Variants in SKIC3 observed in about 807,000 individuals in gnomAD.
SKIC3 encodes superkiller complex protein 3.
At chr5:95,502,677 C>T in the SKIC3 span, among the ~76,000 whole-genome samples, 8 of 152,126 alleles carry the variant, frequency 5.3e-5, no homozygotes, top group African/African-American at 1.9e-4. Context: ...TGGACAGTTT[C>T]GAAGAATCCA....
chr5:95,509,158 A>T, the SKIC3 span, among the ~76,000 whole-genome samples: 2 of 152,192 alleles, frequency 1.3e-5, no homozygotes, highest in Non-Finnish European at 2.9e-5. Context: ...AGTCAAAACA[A>T]TTATTTAGTA....
chr5:95,554,849 C>A, the SKIC3 span: 3 of 168,396 alleles, frequency 1.8e-5, no homozygotes, highest in East Asian at 1.8e-4. Flanking sequence ...AAATGAACAG[C>A]CCCGGCCCCG....
the SKIC3 span, chr5:95,520,720 T>C: frequency 6.2e-7 from 1 of 1,607,224 alleles, no homozygotes; most frequent in Admixed American, 1.7e-5. Context: ...ACGAACCAAG[T>C]AAAATATTCC....
At chr5:95,516,299 A>G in the SKIC3 span, 1 of 1,595,766 alleles carries the variant, frequency 6.3e-7, no homozygotes, top group Non-Finnish European at 8.6e-7. Flanking sequence ...TGAGGAGACA[A>G]TAATATAGAA....
At chr5:95,499,220 C>A in the SKIC3 span, among the ~76,000 whole-genome samples, 1 of 152,086 alleles carries the variant, frequency 6.6e-6, no homozygotes, top group Non-Finnish European at 1.5e-5. Flanking sequence ...GGCGGTGGGT[C>A]TAGTGGGAGG....
the SKIC3 span, among the ~76,000 whole-genome samples, chr5:95,510,769 G>C: frequency 3.9e-5 from 6 of 152,078 alleles, no homozygotes; most frequent in African/African-American, 1.4e-4. Flanking sequence ...TAAAACTCTA[G>C]TCCTCCACAC....
chr5:95,493,140 C>T, the SKIC3 span, among the ~76,000 whole-genome samples: 1 of 152,094 alleles, frequency 6.6e-6, no homozygotes, highest in Non-Finnish European at 1.5e-5. Context: ...TAGCATCTAT[C>T]AAAACTGTGC....
At chr5:95,513,695 A>G in the SKIC3 span, 1 of 1,534,138 alleles carries the variant, frequency 6.5e-7, no homozygotes, top group East Asian at 2.2e-5. Context: ...GACAGTAACA[A>G]TAATAATACA....
chr5:95,540,410 CT>C, the SKIC3 span, among the ~76,000 whole-genome samples: 53 of 151,914 alleles, frequency 3.5e-4, 1 homozygote, highest in South Asian at 5.4e-3. Context: ...AAAGAACTTA[CT>C]CGTGACCAAA....
the SKIC3 span, chr5:95,528,716 T>G: frequency 2.4e-6 from 1 of 410,738 alleles, no homozygotes; most frequent in South Asian, 2.2e-5. Context: ...CACCAGAAAC[T>G]TCCTTGTTAC....
chr5:95,541,197 C>G, the SKIC3 span: 1 of 993,646 alleles, frequency 1.0e-6, no homozygotes. Flanking sequence ...AACTCCCGAC[C>G]TCAGGTGATC....
the SKIC3 span, chr5:95,529,460 T>G: frequency 0.16 from 56,525 of 347,610 alleles, 5,180 homozygotes; most frequent in East Asian, 0.33. Context: ...CTGTGCAAAC[T>G]CCTTACCAAG....
chr5:95,540,714 G>A, the SKIC3 span: 7 of 1,613,846 alleles, frequency 4.3e-6, no homozygotes, highest in South Asian at 5.5e-5. Context: ...CATTATTCTG[G>A]TCCTCTGTAC....
chr5:95,525,582 C>T, the SKIC3 span: 1 of 1,613,938 alleles, frequency 6.2e-7, no homozygotes, highest in East Asian at 2.2e-5. Context: ...AATAAAAAAG[C>T]CAACCTTTGC....
At chr5:95,487,501 C>A in the SKIC3 span, among the ~76,000 whole-genome samples, 1 of 152,136 alleles carries the variant, frequency 6.6e-6, no homozygotes, top group Admixed American at 6.5e-5. Context: ...CAAAGACTGG[C>A]CTATCTGGCA....
At chr5:95,520,680 C>T in the SKIC3 span, 3 of 1,526,942 alleles carry the variant, frequency 2.0e-6, no homozygotes, top group African/African-American at 4.2e-5. Flanking sequence ...TTTAATATTA[C>T]AAAAATAAAC....
the SKIC3 span, chr5:95,513,342 T>C: frequency 2.1e-6 from 1 of 480,410 alleles, no homozygotes; most frequent in South Asian, 2.1e-5. Context: ...TAGCTAGGAC[T>C]ACAGGTATAC....
chr5:95,523,155 AC>A, the SKIC3 span: 16 of 1,611,026 alleles, frequency 9.9e-6, no homozygotes, highest in Non-Finnish European at 1.4e-5. Flanking sequence ...AATTTAAGGA[AC>A]CGTTATGCTT....
the SKIC3 span, among the ~76,000 whole-genome samples, chr5:95,469,357 T>A: frequency 6.6e-6 from 1 of 152,190 alleles, no homozygotes; most frequent in Non-Finnish European, 1.5e-5. Flanking sequence ...TCTCTGCCTT[T>A]TCAATATTTA....
Sources: allele counts gnomAD v4.1 joint callset (sites outside exome capture counted in the v4.1 genomes callset), GRCh38; gene constraint gnomAD v4.1.1; transcripts MANE v1.5; gene names NCBI Gene and HGNC (gene_info 2026-07-23, HGNC 2026-07-21).